PRTFDC1: variants seen among roughly 807,000 people sequenced by gnomAD.
PRTFDC1 encodes phosphoribosyltransferase domain-containing protein 1.
PRTFDC1 carries 38 observed loss-of-function variants against 34.6 expected under a neutral mutation model. That is an observed-to-expected ratio of 1.10 (90% CI 0.85 to 1.44). The LOEUF is 1.44. Ranked by LOEUF, PRTFDC1 falls within the 40% of genes most tolerant of loss-of-function variation. PRTFDC1 has a pLI of 0.00. For missense variants in PRTFDC1, 270 were observed against 283.0 expected, an observed-to-expected ratio of 0.95 and a Z score of 0.33; for synonymous variants, 93 against 98.1, an observed-to-expected ratio of 0.95 and a Z score of 0.31.
chr10:24,886,890 T>C, intron 3 of PRTFDC1, among the ~76,000 whole-genome samples: 1 of 151,800 alleles, frequency 6.6e-6, no homozygotes, highest in East Asian at 1.9e-4. Flanking sequence ...GTGGGCTAAA[T>C]CTAGTGCGTA....
chr10:24,880,886 T>C (rs1565264572), intron 3 of PRTFDC1, among the ~76,000 whole-genome samples: 3 of 149,602 alleles, frequency 2.0e-5, no homozygotes, highest in Non-Finnish European at 4.5e-5. Context: ...TTTCCCTCTT[T>C]CCTTCCTTTC....
At chr10:24,872,725 A>AAT (rs10609236) in intron 3 of PRTFDC1, among the ~76,000 whole-genome samples, 20 of 139,228 alleles carry the variant, frequency 1.4e-4, no homozygotes, top group South Asian at 4.4e-4. Flanking sequence ...TAATACACAA[A>AAT]ATATATATAT....
At position 24,917,684 on chromosome 10, in the gene PRTFDC1, G is replaced by C. The variant is rs561073853; in HGVS notation, c.339+19500C>G. On this transcript the variant is annotated intron_variant, in intron 3 of 8. Coordinates refer to ENST00000320152, the MANE Select transcript of PRTFDC1 (RefSeq NM_020200.7). ...ATGGGAAAGAGTTATGTGTCCATCA[G>C]GGGGCAGAGATTGATGACAGATGGA... Among the ~76,000 whole-genome samples, 199 of 151,482 alleles carry C rather than the reference G, an allele frequency of 1.3e-3. 1 individual carries two copies. The highest frequency in any genetic ancestry group is 4.8e-3 in the African/African-American group (197 of 40,860).
chr10:24,912,268 C>CAAAAAAAAAAAAAAAAAAAAAA (rs58294462), intron 3 of PRTFDC1, among the ~76,000 whole-genome samples: 1 of 53,940 alleles, frequency 1.9e-5, no homozygotes, highest in Non-Finnish European at 3.2e-5. Flanking sequence ...GACTTCATCT[C>CAAAAAAAAAAAAAAAAAAAAAA]AAAAAAAAAA....
At chr10:24,875,695 A>G (rs539876540) in intron 3 of PRTFDC1, among the ~76,000 whole-genome samples, 3 of 151,812 alleles carry the variant, frequency 2.0e-5, no homozygotes, top group African/African-American at 7.3e-5. Flanking sequence ...CATCATTTTG[A>G]TCTTGTCTTT....
At chr10:24,915,101 A>G (rs1232965398) in intron 3 of PRTFDC1, among the ~76,000 whole-genome samples, 1 of 152,192 alleles carries the variant, frequency 6.6e-6, no homozygotes, top group Non-Finnish European at 1.5e-5. Context: ...TGAAAGTTGA[A>G]AAAAACAATC....
chr10:24,931,843 A>G (rs1848977037), intron 3 of PRTFDC1, among the ~76,000 whole-genome samples: 1 of 151,868 alleles, frequency 6.6e-6, no homozygotes, highest in South Asian at 2.1e-4. Flanking sequence ...AGATGAGGAG[A>G]AAATACTTCC....
rs112909134 is a variant in PRTFDC1, at chr10:24,861,134, T to C, written c.406-2725A>G. Among the ~76,000 whole-genome samples, 432 of 152,290 alleles carry C rather than the reference T, an allele frequency of 2.8e-3. 4 individuals are homozygous for C. The highest frequency in any genetic ancestry group is 0.01 in the African/African-American group (416 of 41,554). On this transcript the variant is annotated intron_variant, in intron 4 of 8. Transcript: ENST00000320152. ...GTAGGATTTGGATGTATACTGATAT[T>C]GAGAGATATTGAAAGACACTGTCAA...
intron 4 of PRTFDC1, among the ~76,000 whole-genome samples, chr10:24,868,831 G>C (rs531942704): frequency 6.6e-6 from 1 of 151,378 alleles, no homozygotes; most frequent in East Asian, 1.9e-4. Flanking sequence ...TATTCTGCAT[G>C]ATGGGAAGAT....
In PRTFDC1 at chr10:24,886,956, C is replaced by CTTTTTTTTT. The variant is rs57910963; in HGVS notation, c.340-14902_340-14894dup. ...TCTTTGTATCTTGTTAATACTCCTT[C>CTTTTTTTTT]TTTTTTTTTTTTTTTTTTTTTTTTT... On this transcript the variant is annotated intron_variant, in intron 3 of 8. Coordinates refer to ENST00000320152, the MANE Select transcript of PRTFDC1 (RefSeq NM_020200.7). 1.5e-3 allele frequency among the ~76,000 whole-genome samples: 126 copies of CTTTTTTTTT among 86,396 alleles called. 5 individuals carry two copies. The highest frequency in any genetic ancestry group is 4.3e-3 in the African/African-American group (87 of 20,470). 56.7% of individuals were successfully genotyped at this position (86,396 alleles called of 152,430 possible).
At position 24,849,930 on chromosome 10, in the gene PRTFDC1, C is replaced by A. The variant is rs750959929; in HGVS notation, c.631-39G>T. 10 of 1,601,310 alleles carry A rather than the reference C, an allele frequency of 6.2e-6. No homozygotes were observed. In the South Asian group the frequency reaches 1.1e-4, roughly 18 times the overall value. ...GGATTTAAACGCATCAGTTTCTTAA[C>A]AAAATATGAGACACAGAAAAGGTGA... On this transcript the variant is annotated intron_variant, in intron 8 of 8. Coordinates refer to ENST00000320152, the MANE Select transcript of PRTFDC1 (RefSeq NM_020200.7).
chr10:24,878,116 T>C (rs1252130402), intron 3 of PRTFDC1, among the ~76,000 whole-genome samples: 2 of 151,790 alleles, frequency 1.3e-5, no homozygotes, highest in African/African-American at 4.8e-5. Context: ...CTACTAAAAA[T>C]ACAAAAAGTA....
chr10:24,854,904 C>G (rs1409916417), intron 7 of PRTFDC1, among the ~76,000 whole-genome samples: 1 of 152,140 alleles, frequency 6.6e-6, no homozygotes, highest in Non-Finnish European at 1.5e-5. Flanking sequence ...CCCTCTAAAC[C>G]TCCATAGCAC....
intron 3 of PRTFDC1, among the ~76,000 whole-genome samples, chr10:24,882,204 CA>C (rs10651020): frequency 1.9e-4 from 20 of 107,498 alleles, no homozygotes; most frequent in Non-Finnish European, 2.0e-4. Context: ...GGATCTGCCT[CA>C]AAAAAAAAAA....
intron 3 of PRTFDC1, among the ~76,000 whole-genome samples, chr10:24,923,561 G>C (rs1287113172): frequency 6.6e-6 from 1 of 152,174 alleles, no homozygotes; most frequent in African/African-American, 2.4e-5. Context: ...CAGCTGAGGG[G>C]CCTGTTAGAA....
intron 3 of PRTFDC1, among the ~76,000 whole-genome samples, chr10:24,889,079 G>A (rs1848218911): frequency 6.6e-6 from 1 of 152,142 alleles, no homozygotes; most frequent in South Asian, 2.1e-4. Flanking sequence ...ATGATACTAG[G>A]AGGTGGGGAC....
chr10:24,952,568 C>T lies in PRTFDC1; in HGVS notation c.8G>A (p.Gly3Glu), dbSNP rs763317523. ...GTAGTCTGGCGCCTCCTCGCTGCTC[C>T]CGGCCATGTTTCTCCCGGGGAACGC... MA[G>E]SSEEAPDYGR... Residue 3 changes from glycine to glutamate, a missense_variant, in exon 1 of 9, where the codon GGG (glycine) becomes GAG (glutamate). Physicochemically the swap from Gly to Glu is moderately conservative, Grantham distance 98. Transcript: ENST00000320152. The surrounding 1 kb of genome is among the most constrained non-coding windows in gnomAD (Gnocchi z 5.1). The T allele has an allele frequency of 2.5e-6, 4 of 1,591,200 alleles. No individual in the cohort carries two copies. In the East Asian group the frequency reaches 9.1e-5, roughly 36 times the overall value.
At position 24,871,988 on chromosome 10, in the gene PRTFDC1, AT is replaced by A. The variant is rs1473360378; in HGVS notation, c.405+9del. The A allele has an allele frequency of 2.5e-6, 4 of 1,603,492 alleles. No individual in the cohort carries two copies. The South Asian group carries it at 4.4e-5, about 18-fold the overall frequency. ...CTCAATGCGGTCTGAGCACAGTTACATGAACAAACCTTTCCAGCCAGCGTTG... is the reference window on the plus strand; with the variant it reads ...CTCAATGCGGTCTGAGCACAGTTACAGAACAAACCTTTCCAGCCAGCGTTG... On this transcript the variant is annotated intron_variant, in intron 4 of 8. Transcript: ENST00000320152.
chr10:24,941,233 T>C (rs1417758274), intron 2 of PRTFDC1, among the ~76,000 whole-genome samples: 1 of 146,046 alleles, frequency 6.8e-6, no homozygotes, highest in Non-Finnish European at 1.5e-5. Context: ...TTTTTTATTT[T>C]TTTGTAGAGA....
Sources: gnomAD v4.1 joint callset for allele counts (sites outside exome capture counted in the v4.1 genomes callset) on GRCh38, gnomAD v4.1.1 for gene constraint, Gnocchi (gnomAD v3.1) non-coding constraint, MANE v1.5 for transcripts, NCBI Gene and HGNC (gene_info 2026-07-23, HGNC 2026-07-21) for gene names.